The following LDB2 variants were observed in gnomAD, a reference collection of about 807,000 sequenced individuals.
The protein encoded by LDB2 is LIM domain binding 2.
A neutral mutation model predicts 44.3 loss-of-function variants in LDB2; 12 were observed. That is an observed-to-expected ratio of 0.27 (90% CI 0.17 to 0.44). The LOEUF (loss-of-function observed/expected upper bound fraction) is 0.44, where lower values mean the gene tolerates loss of function less well. LDB2 is among the 20% of genes least tolerant of loss of function. LDB2 has a pLI of 1.00. For synonymous variants in LDB2, 164 were observed against 174.8 expected (o/e 0.94, Z 0.49); for missense variants, 344 against 473.5 (o/e 0.73, Z 2.54).
At chr4:16,897,267 T>C (rs1259951802) in intron 1 of LDB2, among the ~76,000 whole-genome samples, 1 of 152,200 alleles carries the variant, frequency 6.6e-6, no homozygotes, top group Non-Finnish European at 1.5e-5. Flanking sequence ...AGCTATTCCC[T>C]AAAAGCTCTT....
intron 1 of LDB2, among the ~76,000 whole-genome samples, chr4:16,843,684 C>T (rs535623860): frequency 4.6e-5 from 7 of 152,230 alleles, no homozygotes; most frequent in African/African-American, 1.4e-4. Flanking sequence ...TGCAATGGCA[C>T]GACCTTGGCT....
chr4:16,678,112 A>C (rs1309760396), intron 2 of LDB2, among the ~76,000 whole-genome samples: 1 of 152,190 alleles, frequency 6.6e-6, no homozygotes, highest in Non-Finnish European at 1.5e-5. Flanking sequence ...TCAAAGATCA[A>C]CCCCAAATCA....
intron 1 of LDB2, among the ~76,000 whole-genome samples, chr4:16,791,104 T>C (rs1449562149): frequency 1.3e-5 from 2 of 152,206 alleles, no homozygotes; most frequent in African/African-American, 2.4e-5. Context: ...CAAGCCAACA[T>C]CTCACACTCC....
At chr4:16,870,686 T>A (rs970299738) in intron 1 of LDB2, among the ~76,000 whole-genome samples, 1 of 152,152 alleles carries the variant, frequency 6.6e-6, no homozygotes, top group East Asian at 1.9e-4. Flanking sequence ...CAGGCTGGAG[T>A]GCAGCGGTGC....
Position 16,819,890 on chromosome 4 carries a change from G to A in LDB2, c.133-60630C>T, listed in dbSNP as rs554220962. ...AGTATTAAGAGTCAACATAAATTGC[G>A]GATGACCTTGTTTCTCTGATCCTCT... On this transcript the variant is annotated intron_variant, in intron 1 of 7. Coordinates refer to ENST00000304523, the MANE Select transcript of LDB2 (RefSeq NM_001290.5). Among the ~76,000 whole-genome samples, 12 of 152,236 alleles carry A rather than the reference G, an allele frequency of 7.9e-5. No homozygotes were observed. The East Asian group carries it at 1.2e-3, about 15-fold the overall frequency.
chr4:16,888,766 A>AT, intron 1 of LDB2: 1 of 944,802 alleles, frequency 1.1e-6, no homozygotes, highest in Non-Finnish European at 1.3e-6. Context: ...CACCTATCAT[A>AT]TACCAGGCAT....
chr4:16,626,585 A>G (rs976746648), intron 2 of LDB2, among the ~76,000 whole-genome samples: 2 of 152,146 alleles, frequency 1.3e-5, no homozygotes, highest in Non-Finnish European at 2.9e-5. Context: ...ACTTGCACTT[A>G]TTTCCAGTTC....
chr4:16,795,647 G>T (rs1294799582), intron 1 of LDB2, among the ~76,000 whole-genome samples: 2 of 152,132 alleles, frequency 1.3e-5, no homozygotes, highest in African/African-American at 4.8e-5. Flanking sequence ...TACCATGAAT[G>T]GAGGCCTTTA....
intron 2 of LDB2, among the ~76,000 whole-genome samples, chr4:16,647,598 G>A (rs961026462): frequency 1.3e-5 from 2 of 152,044 alleles, no homozygotes; most frequent in Admixed American, 1.3e-4. Flanking sequence ...AACTGCATTC[G>A]ATCTGACCCT....
chr4:16,798,299 A>G (rs1400714175), intron 1 of LDB2, among the ~76,000 whole-genome samples: 1 of 152,178 alleles, frequency 6.6e-6, no homozygotes, highest in Non-Finnish European at 1.5e-5. Flanking sequence ...ATAGGGAAAG[A>G]AGTGAGTTCA....
intron 2 of LDB2, among the ~76,000 whole-genome samples, chr4:16,628,814 G>C (rs937258694): frequency 2.0e-5 from 3 of 152,202 alleles, no homozygotes; most frequent in African/African-American, 7.2e-5. Flanking sequence ...CCTCACCCAG[G>C]AAGTGCAAGG....
At chr4:16,720,057 T>C (rs1757922288) in intron 2 of LDB2, among the ~76,000 whole-genome samples, 1 of 152,076 alleles carries the variant, frequency 6.6e-6, no homozygotes, top group South Asian at 2.1e-4. Flanking sequence ...CAAGAGAGAC[T>C]CAATAACTCA....
chr4:16,736,974 G>A (rs1762030280), intron 2 of LDB2, among the ~76,000 whole-genome samples: 1 of 152,084 alleles, frequency 6.6e-6, no homozygotes, highest in South Asian at 2.1e-4. Flanking sequence ...TATGCCTGGA[G>A]TTAGTTTTAA....
rs372421838 is a variant in LDB2, at chr4:16,617,389, A to G, written c.236-21514T>C. 1.5e-3 allele frequency among the ~76,000 whole-genome samples: 230 copies of G among 152,360 alleles called. 6 individuals carry two copies. The South Asian group carries it at 0.038, about 25-fold the overall frequency. The stretch of plus-strand genomic sequence containing the variant: ...GCCCAAGGAGATAAACTCGAGGCAG[A>G]CAATCCAATTTTACTAAATCAAGTC... On this transcript the variant is annotated intron_variant, in intron 2 of 7. Coordinates refer to ENST00000304523, the MANE Select transcript of LDB2 (RefSeq NM_001290.5).
intron 1 of LDB2, among the ~76,000 whole-genome samples, chr4:16,781,551 T>C (rs1773238040): frequency 6.6e-6 from 1 of 152,064 alleles, no homozygotes; most frequent in Non-Finnish European, 1.5e-5. Context: ...ATGGGGAGAA[T>C]TATGTGGGTC....
chr4:16,875,737 C>T (rs760091072), intron 1 of LDB2, among the ~76,000 whole-genome samples: 8 of 152,186 alleles, frequency 5.3e-5, no homozygotes, highest in Non-Finnish European at 8.8e-5. Context: ...TGTAAGCAGA[C>T]GGCCAAGGAT....
At chr4:16,689,114 C>G (rs1256900959) in intron 2 of LDB2, among the ~76,000 whole-genome samples, 1 of 152,108 alleles carries the variant, frequency 6.6e-6, no homozygotes, top group Non-Finnish European at 1.5e-5. Context: ...GAATTTAGAC[C>G]CAAGGTCACT....
intron 2 of LDB2, among the ~76,000 whole-genome samples, chr4:16,659,001 GCAAA>G (rs1740708406): frequency 6.6e-6 from 1 of 152,164 alleles, no homozygotes; most frequent in Non-Finnish European, 1.5e-5. Context: ...AAACAAATAA[GCAAA>G]CAAACAAAAT....
chr4:16,802,261 G>A (rs74642253), intron 1 of LDB2, among the ~76,000 whole-genome samples: 3,653 of 152,194 alleles, frequency 0.024, 157 homozygotes, highest in African/African-American at 0.081. Flanking sequence ...CCCGCCTCAG[G>A]GGCAGCAGTC....
Sources: gnomAD v4.1 joint callset for allele counts (sites outside exome capture counted in the v4.1 genomes callset) on GRCh38, gnomAD v4.1.1 for gene constraint, MANE v1.5 for transcripts, NCBI Gene and HGNC (gene_info 2026-07-23, HGNC 2026-07-21) for gene names.